The following IL19 variants were observed in gnomAD, a reference collection of about 807,000 sequenced individuals.
The protein encoded by IL19 is interleukin 19, also known as interleukin-19.
A neutral mutation model predicts 19.5 loss-of-function variants in IL19; 15 were observed. The ratio of observed to expected loss-of-function variants is 0.77; its 90% CI spans 0.52 to 1.19. The LOEUF is 1.19. IL19 is among the 50% of genes most tolerant of loss of function. The pLI is 0.00. For synonymous variants in IL19, 78 were observed against 78.3 expected, an observed-to-expected ratio of 1.00 and a Z score of 0.02; for missense variants, 199 against 213.1, an observed-to-expected ratio of 0.93 and a Z score of 0.41.
chr1:206,799,661 C>T (rs1181848480), intron 2 of IL19, among the ~76,000 whole-genome samples: 2 of 152,324 alleles, frequency 1.3e-5, no homozygotes, highest in South Asian at 2.1e-4. Context: ...AGTCCCAAGA[C>T]CAAATTACTG....
intron 2 of IL19, among the ~76,000 whole-genome samples, chr1:206,801,129 T>C (rs1315638913): frequency 6.6e-6 from 1 of 151,386 alleles, no homozygotes; most frequent in African/African-American, 2.4e-5. Context: ...AATTTTGCAA[T>C]TGAATTTAAG....
chr1:206,824,392 G>A (rs2102476753), intron 2 of IL19, among the ~76,000 whole-genome samples: 1 of 152,302 alleles, frequency 6.6e-6, no homozygotes, highest in Admixed American at 6.5e-5. Flanking sequence ...ATAAAGTGAT[G>A]GACAGATGCT....
At chr1:206,825,773 C>T (rs1025150583) in intron 2 of IL19, among the ~76,000 whole-genome samples, 6 of 152,194 alleles carry the variant, frequency 3.9e-5, no homozygotes, top group African/African-American at 9.7e-5. Context: ...GGTGGATGTG[C>T]GGAAACACCA....
At chr1:206,791,619 G>A (rs1675406309) in intron 1 of IL19, among the ~76,000 whole-genome samples, 1 of 152,106 alleles carries the variant, frequency 6.6e-6, no homozygotes, top group South Asian at 2.1e-4. Flanking sequence ...TTTTGACTTT[G>A]GCTGTCTGCA....
intron 1 of IL19, chr1:206,771,471 C>A (rs375621255): frequency 4.2e-6 from 6 of 1,428,558 alleles, no homozygotes; most frequent in East Asian, 4.9e-5. Context: ...AACTGAAATG[C>A]GGTCTTTTTG....
intron 5 of IL19, chr1:206,840,284 C>T (rs1323108950): frequency 1.7e-6 from 1 of 576,358 alleles, no homozygotes; most frequent in Admixed American, 2.3e-5. Flanking sequence ...GGCAAGGACT[C>T]CAGTTCTACT....
intron 2 of IL19, among the ~76,000 whole-genome samples, chr1:206,805,994 T>C (rs1675834986): frequency 6.6e-6 from 1 of 152,222 alleles, no homozygotes; most frequent in Non-Finnish European, 1.5e-5. Context: ...GGGTTGTTCC[T>C]GTAGGGTGAC....
intron 1 of IL19, among the ~76,000 whole-genome samples, chr1:206,787,021 C>A (rs1033721941): frequency 6.6e-6 from 1 of 152,186 alleles, no homozygotes; most frequent in African/African-American, 2.4e-5. Flanking sequence ...CACAGCCCAA[C>A]CTAGCTTGAC....
chr1:206,804,610 A>T (rs1375809361), intron 2 of IL19, among the ~76,000 whole-genome samples: 1 of 152,212 alleles, frequency 6.6e-6, no homozygotes, highest in Non-Finnish European at 1.5e-5. Flanking sequence ...AAACCCAGTG[A>T]GAATGAGATT....
At chr1:206,771,570 C>A (rs967845176) in intron 1 of IL19, among the ~76,000 whole-genome samples, 1 of 151,938 alleles carries the variant, frequency 6.6e-6, no homozygotes, top group Non-Finnish European at 1.5e-5. Flanking sequence ...ACAGAGGATT[C>A]AACAGTGATG....
In IL19 at chr1:206,771,161, C is replaced by T. The variant is rs1674824140; in HGVS notation, c.-149+83C>T. ...AGGACAGCTTGGTTCTAGCGATCCT[C>T]CTTCACCAGAAGCCTCCCCGAAGGG... On this transcript the variant is annotated intron_variant, in intron 1 of 6. Coordinates refer to ENST00000659997, the MANE Select transcript of IL19 (RefSeq NM_153758.5). 5.1e-6 allele frequency: 7 copies of T among 1,374,146 alleles called. No homozygotes were observed. The Admixed American group carries it at 6.7e-5, about 13-fold the overall frequency. The allele number at this position is 1,374,146 out of a possible 1,614,324, so 85.1% of individuals were successfully genotyped here. A position where few individuals can be genotyped will look rare whatever the true frequency, so the allele number is the denominator to read the frequency against.
intron 4 of IL19, 149 bp from the exon 5 acceptor site, chr1:206,839,701 A>G: frequency 1.4e-6 from 1 of 694,254 alleles, no homozygotes; most frequent in Non-Finnish European, 2.5e-6. Context: ...TGGGAATAAG[A>G]GAGGATGAAC....
intron 1 of IL19, among the ~76,000 whole-genome samples, chr1:206,781,414 C>CAAAAAAAAAAAAAAAA (rs57060549): frequency 7.0e-5 from 3 of 43,018 alleles, no homozygotes; most frequent in Middle Eastern, 0.016. Context: ...GACTCTGTCT[C>CAAAAAAAAAAAAAAAA]AAAAAAAAAA....
rs551651772 is a variant in IL19 at position 206,777,663 on chromosome 1, G to C, written c.-149+6585G>C. On this transcript the variant is annotated intron_variant, in intron 1 of 6. Coordinates refer to ENST00000659997, the MANE Select transcript of IL19 (RefSeq NM_153758.5). Reference sequence around the variant, plus strand: ...GCCGGCAGAGAGCAGGCAGGTTGACGATGCAGGCAGAGAAGGTGAGACCGT... The same window carrying C: ...GCCGGCAGAGAGCAGGCAGGTTGACCATGCAGGCAGAGAAGGTGAGACCGT... Among the ~76,000 whole-genome samples, 10 of 152,324 alleles carry C rather than the reference G, an allele frequency of 6.6e-5. 1 individual carries two copies. In the South Asian group the frequency reaches 2.1e-3, roughly 32 times the overall value.
At chr1:206,797,853 G>A (rs1223490901) in intron 1 of IL19, among the ~76,000 whole-genome samples, 1 of 152,242 alleles carries the variant, frequency 6.6e-6, no homozygotes, top group Non-Finnish European at 1.5e-5. Context: ...TTCTCCACGT[G>A]ACTATGAGAT....
chr1:206,813,214 A>G (rs1676063245), intron 2 of IL19, among the ~76,000 whole-genome samples: 1 of 152,200 alleles, frequency 6.6e-6, no homozygotes, highest in South Asian at 2.1e-4. Context: ...ACATTTCTGC[A>G]TTGCCAGTTG....
At chr1:206,821,995 C>A (rs1487820648) in intron 2 of IL19, among the ~76,000 whole-genome samples, 3 of 152,174 alleles carry the variant, frequency 2.0e-5, no homozygotes, top group Non-Finnish European at 4.4e-5. Context: ...TCCCAGAGTT[C>A]TCTCGTCATG....
intron 2 of IL19, among the ~76,000 whole-genome samples, chr1:206,808,046 A>G (rs1675894755): frequency 6.6e-6 from 1 of 152,258 alleles, no homozygotes; most frequent in African/African-American, 2.4e-5. Flanking sequence ...AAAAATTGAT[A>G]TAGGCCAGGT....
intron 1 of IL19, among the ~76,000 whole-genome samples, chr1:206,783,052 G>A (rs1206317303): frequency 2.0e-5 from 3 of 152,226 alleles, no homozygotes; most frequent in African/African-American, 7.2e-5. Context: ...AGATTTGCCT[G>A]GCACACACAG....
Sources: allele counts gnomAD v4.1 joint callset (sites outside exome capture counted in the v4.1 genomes callset), GRCh38; gene constraint gnomAD v4.1.1; transcripts MANE v1.5; gene names NCBI Gene and HGNC (gene_info 2026-07-23, HGNC 2026-07-21).